ZFHX4: variants seen among roughly 807,000 people sequenced by gnomAD.
ZFHX4 encodes the protein zinc finger homeobox 4.
ZFHX4 carries 56 observed loss-of-function variants against 267.6 expected under a neutral mutation model. The ratio of observed to expected loss-of-function variants is 0.21; its 90% CI spans 0.17 to 0.26. ZFHX4 has a LOEUF of 0.26. Ranked by LOEUF, ZFHX4 falls within the 10% of genes least tolerant of loss-of-function variation. The pLI is 1.00. For synonymous variants in ZFHX4, 1,778 were observed against 1,665.6 expected, an observed-to-expected ratio of 1.07 and a Z score of -1.64; for missense variants, 4,332 against 4,420.0, an observed-to-expected ratio of 0.98 and a Z score of 0.56.
rs915383684 is a variant in ZFHX4 at position 76,855,049 on chromosome 8, C to A, written c.8128C>A (p.Pro2710Thr). The A allele has an allele frequency of 6.2e-7, 1 of 1,613,922 alleles. No homozygotes were observed. Among genetic ancestry groups the A allele is most frequent in the Non-Finnish European group, 8.5e-7 (1 of 1,179,870 alleles). ...NEGKQAGYSL[P>T]PSPLISTEDG... ...AGGAAAGCAGGCAGGTTACAGCTTG[C>A]CACCAAGCCCTTTAATATCCACCGA... The change falls in exon 10 of 11, where the codon CCA (proline) becomes ACA (threonine). Residue 2710 changes from proline to threonine, a missense_variant. Pro to Thr is a conservative substitution (Grantham distance 38). Transcript: ENST00000651372.
chr8:76,743,580 T>A lies in ZFHX4; in HGVS notation c.3094-34628T>A, dbSNP rs190213839. Among the ~76,000 whole-genome samples, 331 of 152,300 alleles carry A rather than the reference T, an allele frequency of 2.2e-3. 2 individuals carry two copies. The highest frequency in any genetic ancestry group is 7.4e-3 in the African/African-American group (306 of 41,560). On this transcript the variant is annotated intron_variant, in intron 3 of 10. Coordinates refer to ENST00000651372, the MANE Select transcript of ZFHX4 (RefSeq NM_024721.5). ...ATGAGTCCATGAAGGCCAAATGAAATCTGGTAAAGGAGCTTAAGTCACAGC... is the reference window on the plus strand; with the variant it reads ...ATGAGTCCATGAAGGCCAAATGAAAACTGGTAAAGGAGCTTAAGTCACAGC...
intron 6 of ZFHX4, among the ~76,000 whole-genome samples, chr8:76,843,212 T>C (rs1299178723): frequency 6.6e-6 from 1 of 152,206 alleles, no homozygotes; most frequent in Non-Finnish European, 1.5e-5. Context: ...CACGTAACCC[T>C]AAAAATAAAT....
chr8:76,738,758 G>C (rs1809238869), intron 3 of ZFHX4, among the ~76,000 whole-genome samples: 1 of 144,978 alleles, frequency 6.9e-6, no homozygotes, highest in African/African-American at 2.6e-5. Flanking sequence ...CTTTCTGATA[G>C]AGTCTTGCTC....
intron 5 of ZFHX4, among the ~76,000 whole-genome samples, chr8:76,838,634 A>C (rs912983993): frequency 1.3e-5 from 2 of 152,228 alleles, no homozygotes; most frequent in Non-Finnish European, 2.9e-5. Context: ...ATGTTAATAT[A>C]AAACTAAAGA....
rs758244464 is a variant in ZFHX4 at position 76,864,159 on chromosome 8, A to G, written c.10445A>G (p.Asn3482Ser). The G allele has an allele frequency of 1.9e-6, 3 of 1,613,938 alleles. No individual in the cohort carries two copies. The highest frequency in any genetic ancestry group is 2.5e-6 in the Non-Finnish European group (3 of 1,179,852). ...AAAACAATCAAACAAGCAATGAGAA[A>G]TGCCAAAGAGCATGTTAGATTATTA... Reference protein sequence around the residue: ...KEKTIKQAMRNAKEHVRLLPH... With the variant: ...KEKTIKQAMRSAKEHVRLLPH... The change falls in exon 11 of 11, where the codon AAT (asparagine) becomes AGT (serine). Residue 3482 changes from asparagine (N) to serine (S), a missense_variant. Transcript: ENST00000651372.
At chr8:76,701,925 C>A (rs1253635039) in intron 1 of ZFHX4, among the ~76,000 whole-genome samples, 4 of 152,100 alleles carry the variant, frequency 2.6e-5, no homozygotes, top group African/African-American at 9.7e-5. Flanking sequence ...TTATTCACCA[C>A]CTTGCATTCA....
At position 76,853,689 on chromosome 8, in the gene ZFHX4, A is replaced by C. The variant is rs759953018; in HGVS notation, c.6768A>C (p.Ile2256=). ...DTNAYPKDDE[I]EQLSTVLNLP... is the part of the protein sequence containing the mutation. ...ACGCTTACCCAAAAGATGATGAAAT[A>C]GAACAACTCTCCACTGTTCTCAATC... Residue 2256 remains isoleucine (I), a synonymous_variant, in exon 10 of 11, where the codon ATA becomes ATC. Coordinates refer to ENST00000651372, the MANE Select transcript of ZFHX4 (RefSeq NM_024721.5). 6.2e-7 allele frequency: 1 copy of C among 1,613,794 alleles called. No homozygotes were observed. Among genetic ancestry groups the C allele is most frequent in the South Asian group, 1.1e-5 (1 of 91,062 alleles).
chr8:76,770,636 A>C (rs1377611091), intron 3 of ZFHX4, among the ~76,000 whole-genome samples: 1 of 152,162 alleles, frequency 6.6e-6, no homozygotes, highest in Non-Finnish European at 1.5e-5. Flanking sequence ...TTGTGCTAAT[A>C]TTTGATTAGT....
intron 1 of ZFHX4, among the ~76,000 whole-genome samples, chr8:76,699,984 C>T (rs554447035): frequency 3.3e-5 from 5 of 151,842 alleles, no homozygotes; most frequent in South Asian, 2.1e-4. Context: ...ATATATGTGC[C>T]GTTTTCACAC....
chr8:76,855,768 T>C lies in ZFHX4; in HGVS notation c.8847T>C (p.Ser2949=). Reference sequence around the variant, plus strand: ...TCAAGGTTCTCAAGGCTTGCTTTAGTGACTACCGAACTCCAACCATGCAAG... The same window carrying C: ...TCAAGGTTCTCAAGGCTTGCTTTAGCGACTACCGAACTCCAACCATGCAAG... ...LQLKVLKACF[S]DYRTPTMQEC... Residue 2949 remains serine (S), a synonymous_variant, in exon 10 of 11, where the codon AGT becomes AGC. Coordinates refer to ENST00000651372, the MANE Select transcript of ZFHX4 (RefSeq NM_024721.5). 2 of 1,613,972 alleles carry C rather than the reference T, an allele frequency of 1.2e-6. No individual in the cohort carries two copies. The highest frequency in any genetic ancestry group is 1.1e-5 in the South Asian group (1 of 91,080).
intron 3 of ZFHX4, among the ~76,000 whole-genome samples, chr8:76,754,148 G>A (rs1014038864): frequency 7.9e-5 from 12 of 152,052 alleles, no homozygotes; most frequent in African/African-American, 1.2e-4. Flanking sequence ...ATTTGTTTAC[G>A]TATCTTTACA....
At chr8:76,798,096 AAAG>A (rs2131820655) in intron 4 of ZFHX4, among the ~76,000 whole-genome samples, 1 of 152,350 alleles carries the variant, frequency 6.6e-6, no homozygotes, top group Non-Finnish European at 1.5e-5. Context: ...CATAGCATAG[AAAG>A]AAGATTACAT....
chr8:76,681,597 T>G lies in ZFHX4; in HGVS notation c.-70T>G, dbSNP rs1277497776. The G allele has an allele frequency of 2.5e-6, 1 of 397,920 alleles. No homozygotes were observed. The highest frequency in any genetic ancestry group is 4.4e-6 in the Non-Finnish European group (1 of 225,904). 24.6% of individuals were successfully genotyped at this position (397,920 alleles called of 1,614,324 possible). Reference sequence around the variant, plus strand: ...AAACAAAAAAGAGGCGAAGATCGAGTAGGAACTGCAGGGGAAATGGAAAGT... The same window carrying G: ...AAACAAAAAAGAGGCGAAGATCGAGGAGGAACTGCAGGGGAAATGGAAAGT... On this transcript the variant is annotated 5_prime_UTR_variant, in exon 1 of 11. Coordinates refer to ENST00000651372, the MANE Select transcript of ZFHX4 (RefSeq NM_024721.5).
At chr8:76,863,055 G>A in intron 10 of ZFHX4, 39 bp from the exon 11 acceptor site, 1 of 1,479,984 alleles carries the variant, frequency 6.8e-7, no homozygotes, top group Non-Finnish European at 9.0e-7. Flanking sequence ...ATGTTGGTCT[G>A]TACATTGACA....
intron 3 of ZFHX4, among the ~76,000 whole-genome samples, chr8:76,744,261 G>T (rs1392554634): frequency 6.6e-6 from 1 of 151,958 alleles, no homozygotes; most frequent in African/African-American, 2.4e-5. Flanking sequence ...CAGGAGAATC[G>T]CTTGAACCCA....
chr8:76,708,723 A>G (rs948385623), intron 3 of ZFHX4, among the ~76,000 whole-genome samples: 1 of 152,222 alleles, frequency 6.6e-6, no homozygotes, highest in Non-Finnish European at 1.5e-5. Flanking sequence ...GACTGTGCAC[A>G]TGTACTGAAT....
chr8:76,866,881 A>T lies in ZFHX4; in HGVS notation c.*2316A>T, dbSNP rs1330645725. On this transcript the variant is annotated 3_prime_UTR_variant, in exon 11 of 11. Transcript: ENST00000651372. ...GGACAGCCTCCAAAGGTTGAGAATG[A>T]GAATTGTTTTTTCCTGGATATCAAA... 1 of 152,576 alleles carries T rather than the reference A, an allele frequency of 6.6e-6. No homozygotes were observed. Among genetic ancestry groups the T allele is most frequent in the East Asian group, 1.9e-4 (1 of 5,194 alleles). The allele number at this position is 152,576 out of a possible 1,614,324, so 9.5% of individuals were successfully genotyped here. A position where few individuals can be genotyped will look rare whatever the true frequency, so the allele number is the denominator to read the frequency against.
intron 6 of ZFHX4, among the ~76,000 whole-genome samples, chr8:76,845,569 T>C (rs1563554634): frequency 6.6e-6 from 1 of 152,096 alleles, no homozygotes; most frequent in Non-Finnish European, 1.5e-5. Flanking sequence ...CCAAGTTTTA[T>C]AGTATTCAAA....
chr8:76,723,493 T>C (rs1808776302), intron 3 of ZFHX4, among the ~76,000 whole-genome samples: 1 of 151,950 alleles, frequency 6.6e-6, no homozygotes. Flanking sequence ...GTTTTTCTTA[T>C]AAACAGGAAG....
Sources: allele counts gnomAD v4.1 joint callset (sites outside exome capture counted in the v4.1 genomes callset), GRCh38; gene constraint gnomAD v4.1.1; transcripts MANE v1.5; gene names NCBI Gene and HGNC (gene_info 2026-07-23, HGNC 2026-07-21).